TTN: variants seen among roughly 807,000 people sequenced by gnomAD.
The protein encoded by TTN is titin.
TTN carries 1,525 observed loss-of-function variants against 3,223.0 expected under a neutral mutation model. The ratio of observed to expected loss-of-function variants is 0.47; its 90% CI spans 0.45 to 0.49. TTN has a LOEUF of 0.49. Among genes scored for constraint, TTN ranks in the 20% least tolerant of loss-of-function variants. The pLI, the probability that TTN is intolerant of heterozygous loss-of-function variation, is 0.00. For missense variants in TTN, 40,786 were observed against 43,424.0 expected (o/e 0.94, Z 5.40); for synonymous variants, 14,094 against 15,161.0 (o/e 0.93, Z 5.17).
At chr2:178,617,302 T>C in intron 254 of TTN, 23 bp downstream of exon 254, 1 of 1,546,870 alleles carries the variant, frequency 6.5e-7, no homozygotes, top group African/African-American at 1.4e-5. Context: ...TTGAATATTC[T>C]TTTTTATATG....
Position 178,567,127 on chromosome 2 carries a change from A to T in TTN, c.79005T>A (p.Thr26335=). 6 of 1,613,544 alleles carry T rather than the reference A, an allele frequency of 3.7e-6. No individual in the cohort carries two copies. The highest frequency in any genetic ancestry group is 5.1e-6 in the Non-Finnish European group (6 of 1,179,604). The change falls in exon 326 of 363, where the codon ACT becomes ACA. Residue 26335 remains threonine, a synonymous_variant. Transcript: ENST00000589042. The part of the protein sequence containing the change: ...EKRETSRLAW[T]VVASEVVTNS... Reference sequence around the variant, plus strand: ...TGGTCACAACTTCTGAAGCAACAACAGTCCAGGCAAGTCGACTGGTTTCTC... The same window carrying T: ...TGGTCACAACTTCTGAAGCAACAACTGTCCAGGCAAGTCGACTGGTTTCTC...
rs957625068 is a variant in TTN, at chr2:178,676,174, G to A, written c.34379-179C>T. On this transcript the variant is annotated intron_variant, in intron 147 of 362. Coordinates refer to ENST00000589042, the MANE Select transcript of TTN (RefSeq NM_001267550.2). ...GGATTTGTAAAGCAAGGGACCAGCA[G>A]CATATGTCATTATCAGAGGACAGAT... 5.2e-6 allele frequency: 3 copies of A among 571,950 alleles called. No individual in the cohort carries two copies. The African/African-American group carries it at 5.6e-5, about 11-fold the overall frequency. 35.4% of individuals were successfully genotyped at this position (571,950 alleles called of 1,614,324 possible).
rs756760566 is a variant in TTN at position 178,593,551 on chromosome 2, A to G, written c.58732+17T>C. 2 of 1,604,566 alleles carry G rather than the reference A, an allele frequency of 1.2e-6. No homozygotes were observed. The highest frequency in any genetic ancestry group is 1.7e-6 in the Non-Finnish European group (2 of 1,177,544). On this transcript the variant is annotated intron_variant, in intron 298 of 362. Coordinates refer to ENST00000589042, the MANE Select transcript of TTN (RefSeq NM_001267550.2). ...TTTATCAAGCATTGAATCACTAAAA[A>G]GAAACATAATGCATACTGAAACGAT...
At chr2:178,743,112 A>G (rs2082796254) in intron 47 of TTN, 2 of 152,026 alleles carry the variant, frequency 1.3e-5, no homozygotes, top group African/African-American at 4.8e-5. Flanking sequence ...CTGTAAAGGG[A>G]GTGAATGTGA....
At chr2:178,750,092 A>G in intron 47 of TTN, 2 of 1,613,168 alleles carry the variant, frequency 1.2e-6, no homozygotes, top group Admixed American at 1.7e-5. Context: ...CTGAATTTCT[A>G]CAGGAAAGGA....
chr2:178,608,334 A>G lies in TTN; in HGVS notation c.52549T>C (p.Ser17517Pro). 3 of 1,612,370 alleles carry G rather than the reference A, an allele frequency of 1.9e-6. No individual in the cohort carries two copies. The highest frequency in any genetic ancestry group is 2.5e-6 in the Non-Finnish European group (3 of 1,179,148). Residue 17517 changes from serine to proline, a missense_variant, in exon 275 of 363, where the codon TCT becomes CCT. By Grantham distance (74) the Ser-to-Pro change is moderately conservative. Coordinates refer to ENST00000589042, the MANE Select transcript of TTN (RefSeq NM_001267550.2). ...EKREVNSTHWSRVNKSLLNAL... is the reference protein window; with the variant it reads ...EKREVNSTHWPRVNKSLLNAL... ...TTCAGAAGGCTTTTGTTGACACGAGACCAATGTGTACTGTTAACTTCACGT... is the reference window on the plus strand; with the variant it reads ...TTCAGAAGGCTTTTGTTGACACGAGGCCAATGTGTACTGTTAACTTCACGT...
In TTN at chr2:178,597,986, T is replaced by G; in HGVS notation, c.57184A>C (p.Arg19062=). The change falls in exon 293 of 363, where the codon AGA becomes CGA. Residue 19062 remains arginine, a synonymous_variant. Coordinates refer to ENST00000589042, the MANE Select transcript of TTN (RefSeq NM_001267550.2). The part of the protein sequence containing the change: ...GLKEGAFYKF[R]VRAVNIAGIG... ...CCAGCAATGTTGACTGCTCTAACTC[T>G]AAATTTGTAGAATGCTCCTTCCTTT... 1 of 1,613,440 alleles carries G rather than the reference T, an allele frequency of 6.2e-7. No homozygotes were observed. The highest frequency in any genetic ancestry group is 8.5e-7 in the Non-Finnish European group (1 of 1,179,586).
intron 119 of TTN, among the ~76,000 whole-genome samples, chr2:178,692,821 G>T (rs534219166): frequency 1.3e-5 from 2 of 152,234 alleles, no homozygotes; most frequent in East Asian, 1.9e-4. Flanking sequence ...CTCCCTCGGA[G>T]GTGCCTGTGT....
intron 43 of TTN, 33 bp downstream of exon 43, chr2:178,764,144 A>C (rs766615882): frequency 2.8e-5 from 45 of 1,613,938 alleles, no homozygotes; most frequent in Non-Finnish European, 1.9e-5. Context: ...ATTTGTAAGT[A>C]TTGGCAATGA....
chr2:178,558,663 A>C (rs573057433), intron 326 of TTN, 26 bp from the exon 327 acceptor site: 2 of 1,601,276 alleles, frequency 1.2e-6, no homozygotes, highest in Admixed American at 1.7e-5. Flanking sequence ...ATCAAAAGAA[A>C]GTGAATAATT....
Position 178,613,779 on chromosome 2 carries a change from T to G in TTN, c.49504A>C (p.Lys16502Gln). 1 of 1,612,478 alleles carries G rather than the reference T, an allele frequency of 6.2e-7. No homozygotes were observed. Residue 16502 changes from lysine (K) to glutamine (Q), a missense_variant, in exon 263 of 363, where the codon AAG (lysine) becomes CAG (glutamine). By Grantham distance (53) the Lys-to-Gln change is moderately conservative (BLOSUM62 1). Coordinates refer to ENST00000589042, the MANE Select transcript of TTN (RefSeq NM_001267550.2). ...TATGTTGTGTCCTTTACTGGCATCT[T>G]ATTGCATCTAACCCATTTATCTGTA... ...PDTDKWVRCN[K>Q]MPVKDTTYRV... is the part of the protein sequence containing the mutation.
rs2154290022 is a variant in TTN, at chr2:178,702,563, T to C, written c.30324A>G (p.Val10108=). The change falls in exon 107 of 363, where the codon GTA becomes GTG. Residue 10108 remains valine (V), a synonymous_variant. Coordinates refer to ENST00000589042, the MANE Select transcript of TTN (RefSeq NM_001267550.2). The part of the protein sequence containing the change: ...ECEVSFDDAI[V]TWYKGPTELT... The stretch of plus-strand genomic sequence containing the variant: ...GTTCTGTTGGTCCTTTGTACCATGT[T>C]ACAATGGCATCATCAAAGGACACTT... The C allele has an allele frequency of 6.2e-7, 1 of 1,614,000 alleles. No individual in the cohort carries two copies. Among genetic ancestry groups the C allele is most frequent in the Non-Finnish European group, 8.5e-7 (1 of 1,179,890 alleles).
At chr2:178,794,677 C>T in intron 7 of TTN, 126 bp from the exon 8 acceptor site, 1 of 1,198,174 alleles carries the variant, frequency 8.3e-7, no homozygotes. Flanking sequence ...TTATTATTGC[C>T]AAGAAATACA....
chr2:178,589,268 C>G lies in TTN; in HGVS notation c.62457G>C (p.Lys20819Asn), dbSNP rs2049719955. The change falls in exon 304 of 363, where the codon AAG becomes AAC. Residue 20819 changes from lysine to asparagine, a missense_variant. Coordinates refer to ENST00000589042, the MANE Select transcript of TTN (RefSeq NM_001267550.2). ...ATDLTRSPRV[K>N]IDTRADSSKF... Reference sequence around the variant, plus strand: ...TAGATGAATCAGCACGGGTATCAATCTTGACCCTTGGTGATCTTGTTAAGT... The same window carrying G: ...TAGATGAATCAGCACGGGTATCAATGTTGACCCTTGGTGATCTTGTTAAGT... 1.9e-6 allele frequency: 3 copies of G among 1,613,312 alleles called. No homozygotes were observed. In the African/African-American group the frequency reaches 4.0e-5, roughly 22 times the overall value.
At chr2:178,767,659 G>C in intron 40 of TTN, 100 bp downstream of exon 40, 1 of 1,516,486 alleles carries the variant, frequency 6.6e-7, no homozygotes, top group African/African-American at 1.4e-5. Context: ...ATTCTTTAAA[G>C]GATGGTGGTT....
At position 178,576,451 on chromosome 2, in the gene TTN, C is replaced by T; in HGVS notation, c.69716-35G>A. On this transcript the variant is annotated intron_variant, in intron 325 of 362. Transcript: ENST00000589042. The surrounding 1 kb of genome is among the most constrained non-coding windows in gnomAD (Gnocchi z 4.3). ...AAACAAAGACACAAAAGTATATATT[C>T]AGAGTTTGGCTTTTGGGTAATTTAG... 6.3e-7 allele frequency: 1 copy of T among 1,588,648 alleles called. No homozygotes were observed. The highest frequency in any genetic ancestry group is 8.5e-7 in the Non-Finnish European group (1 of 1,173,494).
rs753692209 is a variant in TTN, at chr2:178,731,117, T to C, written c.17548A>G (p.Lys5850Glu). Residue 5850 changes from lysine to glutamate, a missense_variant, in exon 60 of 363, where the codon AAG becomes GAG. By Grantham distance (56) the Lys-to-Glu change is moderately conservative. Coordinates refer to ENST00000589042, the MANE Select transcript of TTN (RefSeq NM_001267550.2). ...TTAAACCATTTGGCTGTAATCTCCT[T>C]AGTCCCTGAAAATTTAACCTGCAAA... ...ATLQVKFSGT[K>E]EITAKWFKDG... The C allele has an allele frequency of 2.3e-5, 37 of 1,613,624 alleles. No individual in the cohort carries two copies. The highest frequency in any genetic ancestry group is 3.1e-5 in the Non-Finnish European group (37 of 1,179,718).
chr2:178,720,647 G>A lies in TTN; in HGVS notation c.23115C>T (p.Thr7705=), dbSNP rs1299099653. 3.8e-6 allele frequency: 6 copies of A among 1,591,506 alleles called. No homozygotes were observed. The highest frequency in any genetic ancestry group is 1.8e-5 in the Admixed American group (1 of 55,836). Residue 7705 remains threonine (T), a synonymous_variant, in exon 80 of 363, where the codon ACC becomes ACT. Transcript: ENST00000589042. Reference sequence around the variant, plus strand: ...GAGCTCCTACTGGAGAAGGCTTCTGGGTGAAAACAGGAGGTGCTACCAGAA... The same window carrying A: ...GAGCTCCTACTGGAGAAGGCTTCTGAGTGAAAACAGGAGGTGCTACCAGAA... The part of the protein sequence containing the change: ...ALTVKAPPVF[T]QKPSPVGALK...
chr2:178,538,486 A>T, intron 354 of TTN, 54 bp downstream of exon 354: 1 of 1,522,470 alleles, frequency 6.6e-7, no homozygotes, highest in Non-Finnish European at 8.8e-7. Flanking sequence ...AGGGGGAATT[A>T]GCCTTAACTT....
Sources: gnomAD v4.1 joint callset for allele counts (sites outside exome capture counted in the v4.1 genomes callset) on GRCh38, gnomAD v4.1.1 for gene constraint, Gnocchi (gnomAD v3.1) non-coding constraint, MANE v1.5 for transcripts, NCBI Gene and HGNC (gene_info 2026-07-23, HGNC 2026-07-21) for gene names.